The following PAK5 variants were observed in gnomAD, a reference collection of about 807,000 sequenced individuals.
PAK5 encodes serine/threonine-protein kinase PAK 5.
In PAK5, 16 loss-of-function variants were observed where a neutral mutation model predicts 65.9. The observed-to-expected ratio is 0.24, with a 90% CI of 0.16 to 0.37. The LOEUF is 0.37. PAK5 is among the 10% of genes least tolerant of loss of function. PAK5 has a pLI of 1.00. For missense variants in PAK5, 785 were observed against 903.9 expected (o/e 0.87, Z 1.69); for synonymous variants, 371 against 354.9 (o/e 1.05, Z -0.51).
intron 5 of PAK5, 118 bp from the exon 6 acceptor site, chr20:9,563,142 T>C: frequency 1.1e-6 from 1 of 907,360 alleles, no homozygotes; most frequent in Non-Finnish European, 1.7e-6. Flanking sequence ...TGGGGAAGTT[T>C]ATTCAGAAAA....
chr20:9,793,635 T>C (rs1392009629), intron 1 of PAK5, among the ~76,000 whole-genome samples: 2 of 152,088 alleles, frequency 1.3e-5, no homozygotes, highest in Admixed American at 6.6e-5. Flanking sequence ...TAAGATGCCA[T>C]CTCATGCCAG....
rs545140358 is a variant in PAK5, at chr20:9,771,582, A to ATTTTTTTTTTTTTTTTTTTTTTTTTTTTT, written c.-161-60148_-161-60147insAAAAAAAAAAAAAAAAAAAAAAAAAAAAA. 1.3e-4 allele frequency among the ~76,000 whole-genome samples: 14 copies of ATTTTTTTTTTTTTTTTTTTTTTTTTTTTT among 109,754 alleles called. 1 individual carries two copies. Among genetic ancestry groups the ATTTTTTTTTTTTTTTTTTTTTTTTTTTTT allele is most frequent in the East Asian group, 6.4e-4 (2 of 3,146 alleles). 72.0% of individuals were successfully genotyped at this position (109,754 alleles called of 152,430 possible). On this transcript the variant is annotated intron_variant, in intron 1 of 9. Transcript: ENST00000353224. Reference sequence around the variant, plus strand: ...GCCACCACATTCAGTCAATTTTTTAATTTTTTTTTTTTTTTTTTGTAGAAA... The same window carrying ATTTTTTTTTTTTTTTTTTTTTTTTTTTTT: ...GCCACCACATTCAGTCAATTTTTTAATTTTTTTTTTTTTTTTTTTTTTTTTTTTTTTTTTTTTTTTTTTTTTTGTAGAAA...
intron 3 of PAK5, among the ~76,000 whole-genome samples, chr20:9,615,895 C>G (rs1052571975): frequency 6.6e-6 from 1 of 152,180 alleles, no homozygotes; most frequent in African/African-American, 2.4e-5. Flanking sequence ...CATGAGGCCT[C>G]TCCAGCATGG....
intron 4 of PAK5, chr20:9,577,670 G>A (rs2068441980): frequency 6.6e-6 from 1 of 152,202 alleles, no homozygotes; most frequent in South Asian, 2.1e-4. Context: ...TTTTAATCAA[G>A]TGAACGTTTT....
At chr20:9,625,800 G>A (rs1449156978) in intron 3 of PAK5, among the ~76,000 whole-genome samples, 1 of 152,138 alleles carries the variant, frequency 6.6e-6, no homozygotes. Flanking sequence ...ACAATTTATA[G>A]GCTTGTCAAT....
chr20:9,638,669 G>T (rs2047011852), intron 3 of PAK5, among the ~76,000 whole-genome samples: 1 of 152,184 alleles, frequency 6.6e-6, no homozygotes, highest in Non-Finnish European at 1.5e-5. Flanking sequence ...CTCTTCAGGT[G>T]ATTCTGATCT....
chr20:9,834,069 C>T (rs1978956068), intron 1 of PAK5, among the ~76,000 whole-genome samples: 1 of 152,110 alleles, frequency 6.6e-6, no homozygotes, highest in African/African-American at 2.4e-5. Context: ...TTTAATTGAT[C>T]CCATTGTGTA....
intron 1 of PAK5, among the ~76,000 whole-genome samples, chr20:9,764,576 A>G (rs1393299702): frequency 2.0e-5 from 3 of 152,212 alleles, no homozygotes; most frequent in Admixed American, 2.0e-4. Context: ...TACATCAATT[A>G]TTACTACGGT....
chr20:9,602,336 AAAT>A (rs2123111420), intron 3 of PAK5, among the ~76,000 whole-genome samples: 3 of 133,480 alleles, frequency 2.2e-5, no homozygotes, highest in Non-Finnish European at 3.2e-5. Context: ...ATAAATAAAT[AAAT>A]AAAATAAACT....
At chr20:9,681,855 T>C (rs2047654109) in intron 2 of PAK5, among the ~76,000 whole-genome samples, 1 of 152,210 alleles carries the variant, frequency 6.6e-6, no homozygotes, top group South Asian at 2.1e-4. Flanking sequence ...GGTCTCCTGG[T>C]GAAAAATACC....
chr20:9,659,821 A>T (rs1490376218), intron 2 of PAK5, among the ~76,000 whole-genome samples: 1 of 152,178 alleles, frequency 6.6e-6, no homozygotes, highest in East Asian at 1.9e-4. Flanking sequence ...CATTCTGAGC[A>T]AATAGAAATG....
intron 1 of PAK5, among the ~76,000 whole-genome samples, chr20:9,822,468 C>T (rs2049433954): frequency 6.6e-6 from 1 of 152,028 alleles, no homozygotes; most frequent in Non-Finnish European, 1.5e-5. Flanking sequence ...CAATTGAACA[C>T]CTATAGTTAT....
At chr20:9,708,243 GCAGA>G (rs1157432844) in intron 2 of PAK5, among the ~76,000 whole-genome samples, 2 of 152,202 alleles carry the variant, frequency 1.3e-5, no homozygotes, top group South Asian at 2.1e-4. Context: ...CCTTTTGGAG[GCAGA>G]CAAACTCGGG....
chr20:9,702,649 G>A (rs2047954523), intron 2 of PAK5, among the ~76,000 whole-genome samples: 1 of 152,116 alleles, frequency 6.6e-6, no homozygotes, highest in South Asian at 2.1e-4. Flanking sequence ...TAACCCTTCA[G>A]TTGTTCTCCC....
chr20:9,827,977 G>T (rs193135131), intron 1 of PAK5, among the ~76,000 whole-genome samples: 1 of 152,120 alleles, frequency 6.6e-6, no homozygotes, highest in Non-Finnish European at 1.5e-5. Flanking sequence ...GATCACAGGC[G>T]TGCGCCACCA....
intron 4 of PAK5, among the ~76,000 whole-genome samples, chr20:9,573,390 A>T (rs1470308125): frequency 6.6e-6 from 1 of 152,192 alleles, no homozygotes; most frequent in Admixed American, 6.5e-5. Context: ...CTATGAATTC[A>T]CTTAATCAAT....
chr20:9,753,346 T>C (rs1173860690), intron 1 of PAK5, among the ~76,000 whole-genome samples: 1 of 152,132 alleles, frequency 6.6e-6, no homozygotes, highest in Non-Finnish European at 1.5e-5. Context: ...AGATTTATTA[T>C]CATCAAAAAA....
At chr20:9,810,515 C>A (rs575523786) in intron 1 of PAK5, among the ~76,000 whole-genome samples, 12 of 152,270 alleles carry the variant, frequency 7.9e-5, no homozygotes, top group African/African-American at 2.9e-4. Flanking sequence ...CACTGCACTC[C>A]CGCCTGGGTG....
chr20:9,802,886 T>C (rs1471261929), intron 1 of PAK5, among the ~76,000 whole-genome samples: 3 of 57,154 alleles, frequency 5.2e-5, no homozygotes, highest in Non-Finnish European at 1.1e-4. Flanking sequence ...TTTTATTCCC[T>C]TCTGTACTAT....
Sources: allele counts gnomAD v4.1 joint callset (sites outside exome capture counted in the v4.1 genomes callset), GRCh38; gene constraint gnomAD v4.1.1; transcripts MANE v1.5; gene names NCBI Gene and HGNC (gene_info 2026-07-23, HGNC 2026-07-21).